The following TRPM1 variants were observed in gnomAD, a reference collection of about 807,000 sequenced individuals.
TRPM1 encodes TRPM1-203 APA Isoform, Intron 10.
Under a neutral mutation model 149.4 loss-of-function variants are expected in TRPM1, and 113 were observed. The ratio of observed to expected loss-of-function variants is 0.76; its 90% CI spans 0.65 to 0.88. The LOEUF (loss-of-function observed/expected upper bound fraction) is 0.88. Ranked by LOEUF, TRPM1 falls within the 40% of genes least tolerant of loss-of-function variation. The pLI, the probability that TRPM1 is intolerant of heterozygous loss-of-function variation, is 0.00. For missense variants in TRPM1, 1,976 were observed against 2,038.7 expected (o/e 0.97, Z 0.59); for synonymous variants, 741 against 759.5 (o/e 0.98, Z 0.40).
intron 27 of TRPM1, among the ~76,000 whole-genome samples, chr15:31,018,791 G>A (rs2032458378): frequency 6.6e-6 from 1 of 152,194 alleles, no homozygotes; most frequent in Non-Finnish European, 1.5e-5. Flanking sequence ...TCAGTAGCTG[G>A]GATTACTGGC....
At chr15:31,061,555 C>G (rs771057611) in intron 9 of TRPM1, 41 bp from the exon 10 acceptor site, 2 of 1,575,254 alleles carry the variant, frequency 1.3e-6, no homozygotes, top group African/African-American at 1.3e-5. Context: ...AAGTTGAAAA[C>G]AAGAAGGAGA....
At chr15:31,067,218 T>A (rs1463747664) in intron 5 of TRPM1, 31 bp from the exon 6 acceptor site, 8 of 1,613,994 alleles carry the variant, frequency 5.0e-6, no homozygotes, top group African/African-American at 1.3e-5. Context: ...TATTTTAGGC[T>A]CTTTTACTTC....
intron 1 of TRPM1, among the ~76,000 whole-genome samples, chr15:31,108,012 C>T (rs2141021161): frequency 6.6e-6 from 1 of 152,156 alleles, no homozygotes; most frequent in South Asian, 2.1e-4. Context: ...TGTGTGACCC[C>T]ATGCCTAGCT....
chr15:31,028,529 A>T, intron 24 of TRPM1, 53 bp from the exon 25 acceptor site: 3 of 1,583,686 alleles, frequency 1.9e-6, no homozygotes, highest in Non-Finnish European at 2.6e-6. Context: ...TGAAAAGGAT[A>T]AATATCTCTT....
intron 1 of TRPM1, among the ~76,000 whole-genome samples, chr15:31,150,413 C>T (rs1285007429): frequency 2.0e-5 from 3 of 148,778 alleles, no homozygotes; most frequent in Non-Finnish European, 4.4e-5. Flanking sequence ...GGTGGCTCCT[C>T]AGTTGAATTT....
Position 31,002,832 on chromosome 15 carries a change from C to T in TRPM1, c.3868G>A (p.Asp1290Asn), listed in dbSNP as rs1180878242. 1 of 1,614,232 alleles carries T rather than the reference C, an allele frequency of 6.2e-7. No homozygotes were observed. The highest frequency in any genetic ancestry group is 1.1e-5 in the South Asian group (1 of 91,090). ...TGATATCGATACAAGCTGTAGCCAT[C>T]AGCGCTATTGATGCTGCTTTGCCGG... Reference protein sequence around the residue: ...LLRQSSINSADGYSLYRYHFN... With the variant: ...LLRQSSINSANGYSLYRYHFN... Residue 1290 changes from aspartate to asparagine, a missense_variant, in exon 28 of 28, where the codon GAT becomes AAT. Physicochemically the swap from Asp to Asn is conservative, Grantham distance 23 (BLOSUM62 1). This residue lies in a region of TRPM1 where 572 missense variants were observed against 578.9 expected (regional missense o/e 0.99). Transcript: ENST00000256552.
upstream of TRPM1, among the ~76,000 whole-genome samples, chr15:31,104,732 T>C (rs2035576825): frequency 6.6e-6 from 1 of 151,712 alleles, no homozygotes; most frequent in African/African-American, 2.4e-5. Flanking sequence ...TAGCTGGGAC[T>C]ACAGGTGCCT....
intron 21 of TRPM1, among the ~76,000 whole-genome samples, chr15:31,034,245 A>C (rs544731982): frequency 6.6e-6 from 1 of 152,134 alleles, no homozygotes; most frequent in Non-Finnish European, 1.5e-5. Flanking sequence ...TGGGAGTTAC[A>C]TTTTCACTCG....
chr15:31,127,008 G>A (rs549061147), intron 1 of TRPM1, among the ~76,000 whole-genome samples: 23 of 124,756 alleles, frequency 1.8e-4, no homozygotes, highest in African/African-American at 7.1e-4. Context: ...AAATGCATTT[G>A]CCTTATGATA....
intron 1 of TRPM1, among the ~76,000 whole-genome samples, chr15:31,109,976 T>C (rs2035662804): frequency 6.6e-6 from 1 of 152,218 alleles, no homozygotes; most frequent in Admixed American, 6.5e-5. Flanking sequence ...GCAAAAGTTT[T>C]GTGAATCCTG....
intron 1 of TRPM1, among the ~76,000 whole-genome samples, chr15:31,140,437 G>C (rs190178845): frequency 6.6e-6 from 1 of 152,200 alleles, no homozygotes; most frequent in Admixed American, 6.5e-5. Context: ...GTTGGAAGTG[G>C]GGCCTAATGG....
chr15:31,101,609 C>A, intron 1 of TRPM1, 48 bp downstream of exon 1: 2 of 975,808 alleles, frequency 2.0e-6, no homozygotes. Flanking sequence ...CCTGAGGATA[C>A]CTGCACCTGA....
intron 3 of TRPM1, 158 bp from the exon 4 acceptor site, chr15:31,070,384 G>A (rs1289080116): frequency 1.3e-6 from 1 of 747,612 alleles, no homozygotes; most frequent in Non-Finnish European, 2.4e-6. Flanking sequence ...TGCCCCATCT[G>A]ATGGCCTTTT....
chr15:31,008,609 G>C (rs989482811), intron 27 of TRPM1, among the ~76,000 whole-genome samples: 9 of 152,166 alleles, frequency 5.9e-5, no homozygotes, highest in Admixed American at 5.9e-4. Context: ...TGTTCATGAG[G>C]AATATTGGTC....
chr15:31,107,275 T>C (rs554180978), intron 1 of TRPM1, among the ~76,000 whole-genome samples: 1 of 152,320 alleles, frequency 6.6e-6, no homozygotes, highest in East Asian at 1.9e-4. Flanking sequence ...TCTCCTTGAG[T>C]CAGTTTCAGT....
chr15:31,149,776 C>T (rs1014336199), intron 1 of TRPM1, among the ~76,000 whole-genome samples: 1 of 152,176 alleles, frequency 6.6e-6, no homozygotes, highest in Non-Finnish European at 1.5e-5. Context: ...GCCTTGGCCT[C>T]CCAAAGTGCT....
chr15:31,131,648 T>C (rs1312814213), intron 1 of TRPM1, among the ~76,000 whole-genome samples: 3 of 152,162 alleles, frequency 2.0e-5, no homozygotes, highest in African/African-American at 7.2e-5. Context: ...GGGACTGCTG[T>C]AGTGGCAGAA....
chr15:31,114,130 A>G (rs886552407), intron 1 of TRPM1, among the ~76,000 whole-genome samples: 2 of 152,114 alleles, frequency 1.3e-5, no homozygotes, highest in African/African-American at 2.4e-5. Flanking sequence ...TTCACCTCTC[A>G]CTAGTACCCT....
At chr15:31,088,834 G>C (rs548490085) in intron 1 of TRPM1, among the ~76,000 whole-genome samples, 15 of 150,422 alleles carry the variant, frequency 1.0e-4, no homozygotes, top group Non-Finnish European at 1.9e-4. Flanking sequence ...CCTTTGTACC[G>C]GGGCGATGCG....
Sources: gnomAD v4.1 joint callset for allele counts (sites outside exome capture counted in the v4.1 genomes callset) on GRCh38, gnomAD v4.1.1 for gene constraint, gnomAD v4.1.1 regional missense constraint, MANE v1.5 for transcripts, NCBI Gene and HGNC (gene_info 2026-07-23, HGNC 2026-07-21) for gene names.